Variants in ROR1 observed in about 807,000 individuals in gnomAD.
ROR1 encodes inactive tyrosine-protein kinase transmembrane receptor ROR1.
In ROR1, 19 loss-of-function variants were observed where a neutral mutation model predicts 78.8. That is an observed-to-expected ratio of 0.24 (90% CI 0.17 to 0.35). ROR1 has a LOEUF of 0.35. Among genes scored for constraint, ROR1 ranks in the 10% least tolerant of loss-of-function variants. The pLI, the probability that ROR1 is intolerant of heterozygous loss-of-function variation, is 1.00. For missense variants in ROR1, 917 were observed against 1,177.8 expected, an observed-to-expected ratio of 0.78 and a Z score of 3.24; for synonymous variants, 386 against 433.6, an observed-to-expected ratio of 0.89 and a Z score of 1.36.
intron 1 of ROR1, among the ~76,000 whole-genome samples, chr1:63,799,134 G>A (rs1006963823): frequency 2.0e-5 from 3 of 152,106 alleles, no homozygotes; most frequent in Non-Finnish European, 4.4e-5. Flanking sequence ...ACCTTAAAAG[G>A]CTGCTAGGAA....
intron 1 of ROR1, among the ~76,000 whole-genome samples, chr1:63,868,442 G>T (rs1645230569): frequency 6.6e-6 from 1 of 152,198 alleles, no homozygotes; most frequent in Non-Finnish European, 1.5e-5. Context: ...AGAGCAAAGA[G>T]CTCCAGAGTC....
chr1:63,905,045 G>T (rs983483593), intron 1 of ROR1, among the ~76,000 whole-genome samples: 14 of 152,058 alleles, frequency 9.2e-5, no homozygotes, highest in African/African-American at 3.4e-4. Flanking sequence ...CCTTCCCTGG[G>T]CCCTATCTTA....
At chr1:64,067,710 C>CTTTTTTTTTTTTTTTTTTTTT (rs986756579) in intron 4 of ROR1, among the ~76,000 whole-genome samples, 9 of 105,644 alleles carry the variant, frequency 8.5e-5, no homozygotes, top group African/African-American at 3.4e-4. Flanking sequence ...TAAATAAATT[C>CTTTTTTTTTTTTTTTTTTTTT]TTTTTTTTTT....
chr1:63,820,523 G>A (rs1232280072), intron 1 of ROR1, among the ~76,000 whole-genome samples: 2 of 152,186 alleles, frequency 1.3e-5, no homozygotes, highest in East Asian at 3.8e-4. Flanking sequence ...CCTGAAAAGA[G>A]TGAATTTTGC....
intron 4 of ROR1, among the ~76,000 whole-genome samples, chr1:64,073,705 CA>C (rs745363876): frequency 3.3e-5 from 5 of 152,182 alleles, no homozygotes; most frequent in Non-Finnish European, 7.3e-5. Flanking sequence ...CTGCCATCTG[CA>C]CAATATTAAG....
At chr1:64,019,852 T>A (rs1010473051) in intron 2 of ROR1, among the ~76,000 whole-genome samples, 1 of 152,204 alleles carries the variant, frequency 6.6e-6, no homozygotes, top group African/African-American at 2.4e-5. Context: ...TTTTCTTTAT[T>A]TGGAAAAGGG....
chr1:64,085,083 A>G (rs1269744612), intron 4 of ROR1, among the ~76,000 whole-genome samples: 1 of 152,218 alleles, frequency 6.6e-6, no homozygotes, highest in African/African-American at 2.4e-5. Context: ...CTTTTTAAGA[A>G]ATCATTTTGC....
intron 2 of ROR1, among the ~76,000 whole-genome samples, chr1:64,025,584 G>GAT (rs138518947): frequency 0.027 from 4,100 of 151,246 alleles, 77 homozygotes; most frequent in Non-Finnish European, 0.045. Context: ...GAAATTGTGA[G>GAT]ATATATATAT....
chr1:63,955,132 G>A (rs764396694), intron 1 of ROR1, among the ~76,000 whole-genome samples: 1 of 152,188 alleles, frequency 6.6e-6, no homozygotes, highest in African/African-American at 2.4e-5. Context: ...CGTGGATTAG[G>A]CTAGAGAGGT....
chr1:63,808,934 A>C (rs1347195379), intron 1 of ROR1, among the ~76,000 whole-genome samples: 1 of 152,066 alleles, frequency 6.6e-6, no homozygotes, highest in East Asian at 1.9e-4. Flanking sequence ...TTTTGGGAAG[A>C]CAAGATGTTT....
chr1:63,959,876 C>G (rs1646014057), intron 1 of ROR1, among the ~76,000 whole-genome samples: 1 of 152,220 alleles, frequency 6.6e-6, no homozygotes, highest in Admixed American at 6.5e-5. Flanking sequence ...GCCCCTTCAA[C>G]CTGGAGTGTC....
At chr1:63,877,023 A>G (rs555482585) in intron 1 of ROR1, among the ~76,000 whole-genome samples, 2 of 151,936 alleles carry the variant, frequency 1.3e-5, no homozygotes, top group African/African-American at 4.8e-5. Context: ...GAAAGGAAAA[A>G]CTTTCTTAGA....
rs143592714 is a variant in ROR1 at position 64,177,461 on chromosome 1, C to T, written c.1420C>T (p.Arg474Cys). The change falls in exon 9 of 9, where the codon CGC becomes TGC. Residue 474 changes from arginine (R) to cysteine (C), a missense_variant. This residue lies in a region of ROR1 where 835 missense variants were observed against 1,069.8 expected (regional missense o/e 0.78). Coordinates refer to ENST00000371079, the MANE Select transcript of ROR1 (RefSeq NM_005012.4). Reference protein sequence around the residue: ...KAKELPLSAVRFMEELGECAF... With the variant: ...KAKELPLSAVCFMEELGECAF... ...TAAAGAGCTACCTCTTTCTGCTGTA[C>T]GCTTTATGGAAGAATTGGGTGAGTG... The T allele has an allele frequency of 6.8e-5, 110 of 1,614,080 alleles. No individual in the cohort carries two copies. The highest frequency in any genetic ancestry group is 6.7e-5 in the Admixed American group (4 of 60,016).
chr1:63,967,177 G>A (rs2100492545), intron 1 of ROR1, among the ~76,000 whole-genome samples: 1 of 152,138 alleles, frequency 6.6e-6, no homozygotes, highest in Middle Eastern at 3.4e-3. Flanking sequence ...AATTGTGGTG[G>A]TTGTTATTAT....
intron 1 of ROR1, among the ~76,000 whole-genome samples, chr1:63,883,219 T>C (rs1347993503): frequency 6.6e-6 from 1 of 152,182 alleles, no homozygotes; most frequent in Non-Finnish European, 1.5e-5. Flanking sequence ...TGAGATTTTT[T>C]TCATTCTAGA....
chr1:64,150,141 C>A (rs948983245), intron 7 of ROR1, among the ~76,000 whole-genome samples: 1 of 152,154 alleles, frequency 6.6e-6, no homozygotes, highest in African/African-American at 2.4e-5. Context: ...CCTAGCCATG[C>A]CAGCATGTCT....
intron 1 of ROR1, among the ~76,000 whole-genome samples, chr1:63,845,764 C>T (rs554394288): frequency 1.3e-5 from 2 of 152,268 alleles, no homozygotes; most frequent in Admixed American, 1.3e-4. Flanking sequence ...GGAGTGTCTG[C>T]TGTGCCCCAG....
chr1:64,169,108 C>T lies in ROR1; in HGVS notation c.1387-8320C>T, dbSNP rs530158464. 1.4e-4 allele frequency among the ~76,000 whole-genome samples: 21 copies of T among 152,316 alleles called. No homozygotes were observed. The South Asian group carries it at 3.1e-3, about 23-fold the overall frequency. On this transcript the variant is annotated intron_variant, in intron 8 of 8. Coordinates refer to ENST00000371079, the MANE Select transcript of ROR1 (RefSeq NM_005012.4). ...GAAGCAAGTCAGCCCATAGGGAATACCAATCTCAGAGAAAACTGTGCTTCC... is the reference window on the plus strand; with the variant it reads ...GAAGCAAGTCAGCCCATAGGGAATATCAATCTCAGAGAAAACTGTGCTTCC...
At chr1:64,018,734 T>C (rs1646541203) in intron 2 of ROR1, among the ~76,000 whole-genome samples, 2 of 152,208 alleles carry the variant, frequency 1.3e-5, no homozygotes, top group Non-Finnish European at 2.9e-5. Context: ...ATGTCTTCTT[T>C]ATGCATCCTT....
Sources: allele counts gnomAD v4.1 joint callset (sites outside exome capture counted in the v4.1 genomes callset), GRCh38; gene constraint gnomAD v4.1.1; regional missense constraint gnomAD v4.1.1; transcripts MANE v1.5; gene names NCBI Gene and HGNC (gene_info 2026-07-23, HGNC 2026-07-21).